The following NUGGC variants were observed in gnomAD, a reference collection of about 807,000 sequenced individuals.
NUGGC encodes the protein nuclear GTPase, germinal center associated.
A neutral mutation model predicts 92.6 loss-of-function variants in NUGGC; 58 were observed. The observed-to-expected ratio is 0.63, with a 90% CI of 0.51 to 0.78. NUGGC has a LOEUF of 0.78. Among genes scored for constraint, NUGGC ranks in the 30% least tolerant of loss-of-function variants. NUGGC has a pLI of 0.00. For synonymous variants in NUGGC, 376 were observed against 366.4 expected, an observed-to-expected ratio of 1.03 and a Z score of -0.30; for missense variants, 925 against 964.6, an observed-to-expected ratio of 0.96 and a Z score of 0.54.
intron 2 of NUGGC, 128 bp from the exon 3 acceptor site, chr8:28,070,484 C>T (rs952382544): frequency 1.0e-5 from 6 of 576,094 alleles, no homozygotes; most frequent in Non-Finnish European, 1.5e-5. Flanking sequence ...TGTCTGTAAT[C>T]TGAAGCATGA....
At chr8:28,072,382 C>T (rs181457836) in intron 2 of NUGGC, among the ~76,000 whole-genome samples, 62 of 152,346 alleles carry the variant, frequency 4.1e-4, no homozygotes, top group Admixed American at 2.0e-3. Flanking sequence ...CTGAAGAACA[C>T]TTTAATCTGT....
At position 28,072,255 on chromosome 8, in the gene NUGGC, C is replaced by T. The variant is rs139899672; in HGVS notation, c.44-1899G>A. On this transcript the variant is annotated intron_variant, in intron 2 of 18. Transcript: ENST00000413272. ...TCAAATTCAAGAATTCGCCCTGGCTCGGTTTGAGGACTGCCTTAGAACTAA... is the reference window on the plus strand; with the variant it reads ...TCAAATTCAAGAATTCGCCCTGGCTTGGTTTGAGGACTGCCTTAGAACTAA... 7.3e-3 allele frequency among the ~76,000 whole-genome samples: 1,107 copies of T among 152,304 alleles called. 12 individuals carry two copies. The highest frequency in any genetic ancestry group is 0.024 in the African/African-American group (987 of 41,556).
intron 10 of NUGGC, among the ~76,000 whole-genome samples, chr8:28,051,438 A>C (rs549121685): frequency 3.6e-4 from 54 of 151,920 alleles, no homozygotes; most frequent in African/African-American, 1.3e-3. Flanking sequence ...TAACCACCTC[A>C]AACAATATAT....
At chr8:28,029,461 C>T (rs1809357339) in intron 16 of NUGGC, 59 bp from the exon 17 acceptor site, 4 of 1,588,640 alleles carry the variant, frequency 2.5e-6, no homozygotes, top group African/African-American at 2.7e-5. Context: ...AAATCTTTGG[C>T]ACCATGGCCG....
chr8:28,076,853 A>G (rs1200387388), intron 1 of NUGGC, among the ~76,000 whole-genome samples: 1 of 152,180 alleles, frequency 6.6e-6, no homozygotes, highest in African/African-American at 2.4e-5. Flanking sequence ...GGGTTCCCAG[A>G]GGGTAGAAAT....
chr8:28,026,688 G>A (rs1022608799), intron 18 of NUGGC, among the ~76,000 whole-genome samples: 2 of 152,176 alleles, frequency 1.3e-5, no homozygotes, highest in Non-Finnish European at 2.9e-5. Flanking sequence ...AGAATTCAGT[G>A]AAACCATGAG....
At chr8:28,032,082 G>A (rs911526615) in intron 14 of NUGGC, among the ~76,000 whole-genome samples, 2 of 152,202 alleles carry the variant, frequency 1.3e-5, no homozygotes, top group African/African-American at 4.8e-5. Context: ...CCTGCTGGGT[G>A]GGCTACAGCA....
At chr8:28,027,422 C>T (rs937656060) in intron 17 of NUGGC, among the ~76,000 whole-genome samples, 2 of 152,086 alleles carry the variant, frequency 1.3e-5, no homozygotes, top group Non-Finnish European at 2.9e-5. Context: ...GTCACTTTCC[C>T]ACCATCCTCT....
At chr8:28,075,225 G>A (rs1258065526) in intron 1 of NUGGC, among the ~76,000 whole-genome samples, 4 of 152,102 alleles carry the variant, frequency 2.6e-5, no homozygotes, top group Non-Finnish European at 5.9e-5. Flanking sequence ...GCAGTGACTT[G>A]GTTCCCTGGA....
chr8:28,047,069 CA>C (rs1306562044), intron 11 of NUGGC, among the ~76,000 whole-genome samples: 17 of 152,068 alleles, frequency 1.1e-4, no homozygotes, highest in African/African-American at 4.1e-4. Context: ...CTCCCGGGTT[CA>C]AGCAATTCTC....
intron 13 of NUGGC, among the ~76,000 whole-genome samples, chr8:28,036,555 G>A (rs1461307415): frequency 6.6e-6 from 1 of 152,162 alleles, no homozygotes; most frequent in African/African-American, 2.4e-5. Flanking sequence ...CTTCAGTTGT[G>A]AACATATTGC....
chr8:28,045,446 A>C, intron 12 of NUGGC, 81 bp downstream of exon 12: 1 of 1,360,164 alleles, frequency 7.4e-7, no homozygotes, highest in Non-Finnish European at 1.0e-6. Context: ...AAAAAATATC[A>C]TAAGTTAATT....
intron 18 of NUGGC, among the ~76,000 whole-genome samples, chr8:28,024,018 TC>T (rs911290329): frequency 4.6e-5 from 7 of 151,996 alleles, no homozygotes; most frequent in African/African-American, 1.7e-4. Flanking sequence ...ACAGGGATGC[TC>T]CAGTGACAGC....
At chr8:28,054,464 G>A (rs749277077) in intron 10 of NUGGC, among the ~76,000 whole-genome samples, 3 of 150,894 alleles carry the variant, frequency 2.0e-5, no homozygotes, top group South Asian at 2.1e-4. Context: ...CCTGGGCAAC[G>A]GAGCGCAACT....
intron 10 of NUGGC, among the ~76,000 whole-genome samples, chr8:28,051,939 A>C (rs71519668): frequency 6.6e-6 from 1 of 152,104 alleles, no homozygotes; most frequent in African/African-American, 2.4e-5. Flanking sequence ...CAAAACAAAA[A>C]CAAAAACAAA....
At chr8:28,026,796 C>CCAT (rs1809274329) in intron 18 of NUGGC, among the ~76,000 whole-genome samples, 166 bp downstream of exon 18, 1 of 150,228 alleles carries the variant, frequency 6.7e-6, no homozygotes, top group East Asian at 2.0e-4. Flanking sequence ...ATCATCATCA[C>CCAT]CATCATCATC....
intron 7 of NUGGC, among the ~76,000 whole-genome samples, chr8:28,064,093 C>A (rs1810376803): frequency 6.6e-6 from 1 of 152,178 alleles, no homozygotes; most frequent in African/African-American, 2.4e-5. Context: ...ATTCACCCTG[C>A]CCCCACCACG....
At chr8:28,050,810 C>CA (rs11403959) in intron 10 of NUGGC, among the ~76,000 whole-genome samples, 26,376 of 131,072 alleles carry the variant, frequency 0.2, 2,561 homozygotes, top group African/African-American at 0.28. Context: ...GGCTCCGTCT[C>CA]AAAAAAAAAA....
At chr8:28,056,548 G>T (rs1049181659) in intron 9 of NUGGC, among the ~76,000 whole-genome samples, 1 of 150,588 alleles carries the variant, frequency 6.6e-6, no homozygotes, top group Non-Finnish European at 1.5e-5. Flanking sequence ...CCACTTATAC[G>T]TGGATTCTTT....
Sources: gnomAD v4.1 joint callset for allele counts (sites outside exome capture counted in the v4.1 genomes callset) on GRCh38, gnomAD v4.1.1 for gene constraint, MANE v1.5 for transcripts, NCBI Gene and HGNC (gene_info 2026-07-23, HGNC 2026-07-21) for gene names.